The following SH3KBP1 variants were observed in gnomAD, a reference collection of about 807,000 sequenced individuals.
The protein encoded by SH3KBP1 is SH3 domain containing kinase binding protein 1, also known as SH3 domain-containing kinase-binding protein 1.
SH3KBP1 carries 8 observed loss-of-function variants against 50.1 expected under a neutral mutation model. That is an observed-to-expected ratio of 0.16 (90% CI 0.09 to 0.29). The LOEUF is 0.29. Ranked by LOEUF, SH3KBP1 falls within the 10% of genes least tolerant of loss-of-function variation. SH3KBP1 has a pLI of 1.00. For synonymous variants in SH3KBP1, 227 were observed against 218.6 expected, an observed-to-expected ratio of 1.04 and a Z score of -0.34; for missense variants, 377 against 535.2, an observed-to-expected ratio of 0.70 and a Z score of 2.92.
chrX:19,780,757 C>T (rs973984664), intron 2 of SH3KBP1, among the ~76,000 whole-genome samples: 1 of 109,424 alleles, frequency 9.1e-6, no homozygotes, highest in African/African-American at 3.3e-5. Flanking sequence ...TAGTTGTAGA[C>T]ATGCGGCGTT....
intron 6 of SH3KBP1, among the ~76,000 whole-genome samples, chrX:19,655,142 G>T: frequency 8.9e-6 from 1 of 112,218 alleles, no homozygotes; most frequent in Non-Finnish European, 1.9e-5. Context: ...ATTTCTATGT[G>T]TAAGAGATAC....
At chrX:19,542,793 C>G (rs955918760) in intron 15 of SH3KBP1, among the ~76,000 whole-genome samples, 1 of 111,663 alleles carries the variant, frequency 9.0e-6, no homozygotes, top group Non-Finnish European at 1.9e-5. Context: ...GTCTAGAGAC[C>G]GCAGAGCAAA....
intron 3 of SH3KBP1, among the ~76,000 whole-genome samples, chrX:19,733,205 T>G (rs187315335): frequency 3.6e-5 from 4 of 111,583 alleles, no homozygotes; most frequent in Non-Finnish European, 7.5e-5. Context: ...TGACTTATAA[T>G]TTGAATGAAA....
At chrX:19,759,431 A>T (rs922459175) in intron 2 of SH3KBP1, among the ~76,000 whole-genome samples, 4 of 112,180 alleles carry the variant, frequency 3.6e-5, no homozygotes, top group Non-Finnish European at 7.5e-5. Context: ...AGCCAAGCCC[A>T]AGTCAAGAAA....
rs1427576574 is a variant in SH3KBP1, at chrX:19,760,035, T to TCTCTCC, written c.163-13600_163-13595dup. Reference sequence around the variant, plus strand: ...TCTCTCTCTCTCTCCTCTCTCTCTCTCTCTCCCTCTCTCTCTCTCTCTCTC... The same window carrying TCTCTCC: ...TCTCTCTCTCTCTCCTCTCTCTCTCTCTCTCCCTCTCCCTCTCTCTCTCTCTCTCTC... On this transcript the variant is annotated intron_variant, in intron 2 of 17. Transcript: ENST00000397821. Among the ~76,000 whole-genome samples the TCTCTCC allele has an allele frequency of 2.6e-3, 172 of 65,183 alleles. 3 individuals carry two copies. Among genetic ancestry groups the TCTCTCC allele is most frequent in the African/African-American group, 0.013 (162 of 12,470 alleles). 56.6% of individuals were successfully genotyped at this position (65,183 alleles called of 115,157 possible). A position where few individuals can be genotyped will look rare whatever the true frequency, so the allele number is the denominator to read the frequency against.
At chrX:19,551,520 A>T (rs5909312) in intron 13 of SH3KBP1, among the ~76,000 whole-genome samples, 30,227 of 100,855 alleles carry the variant, frequency 0.3, 4,595 homozygotes, top group African/African-American at 0.57. Flanking sequence ...TATTATTATT[A>T]TTTTCTTTCT....
chrX:19,559,415 C>T (rs1238987622), intron 13 of SH3KBP1, among the ~76,000 whole-genome samples: 1 of 103,421 alleles, frequency 9.7e-6, no homozygotes, highest in Non-Finnish European at 2.0e-5. Flanking sequence ...CAACCTCCGC[C>T]TCCCGGGTTC....
intron 5 of SH3KBP1, among the ~76,000 whole-genome samples, chrX:19,690,152 T>C (rs2063254672): frequency 1.9e-5 from 2 of 107,882 alleles, no homozygotes; most frequent in African/African-American, 3.4e-5. Flanking sequence ...CTCGACCTCC[T>C]GGGTTCAAGC....
At chrX:19,540,362 T>C (rs2064848213) in intron 16 of SH3KBP1, among the ~76,000 whole-genome samples, 1 of 110,893 alleles carries the variant, frequency 9.0e-6, no homozygotes, top group South Asian at 3.9e-4. Context: ...GCCACATTAC[T>C]CAAAGCGAAT....
chrX:19,605,465 T>C (rs1181367479), intron 9 of SH3KBP1, among the ~76,000 whole-genome samples: 1 of 111,896 alleles, frequency 8.9e-6, no homozygotes, highest in Non-Finnish European at 1.9e-5. Flanking sequence ...CTAAGATTCC[T>C]TGGTCGAAGG....
At chrX:19,849,780 T>C (rs1477033163) in intron 1 of SH3KBP1, among the ~76,000 whole-genome samples, 1 of 111,149 alleles carries the variant, frequency 9.0e-6, no homozygotes, top group East Asian at 2.8e-4. Context: ...TTTAAAATAT[T>C]TAAACTACAT....
chrX:19,789,035 A>G (rs181115124), intron 2 of SH3KBP1, among the ~76,000 whole-genome samples: 116 of 111,486 alleles, frequency 1.0e-3, no homozygotes, highest in African/African-American at 3.6e-3. Flanking sequence ...GAGGCAGGAG[A>G]ATTGCTTGAA....
intron 2 of SH3KBP1, among the ~76,000 whole-genome samples, chrX:19,789,318 C>T (rs2066461534): frequency 9.0e-6 from 1 of 111,135 alleles, no homozygotes; most frequent in African/African-American, 3.3e-5. Context: ...CTTGTCAACT[C>T]AGGGTGTTGT....
intron 3 of SH3KBP1, among the ~76,000 whole-genome samples, chrX:19,724,473 G>A (rs1940568989): frequency 8.9e-6 from 1 of 112,356 alleles, no homozygotes; most frequent in South Asian, 3.7e-4. Context: ...GTCTGCCGCA[G>A]AGATCAGCAA....
At chrX:19,690,826 T>C (rs2063269343) in intron 5 of SH3KBP1, among the ~76,000 whole-genome samples, 1 of 112,053 alleles carries the variant, frequency 8.9e-6, no homozygotes, top group Non-Finnish European at 1.9e-5. Context: ...GGCTTGAAAT[T>C]TGTCAGATGA....
chrX:19,624,093 G>C (rs2067936443), intron 8 of SH3KBP1, among the ~76,000 whole-genome samples: 1 of 111,933 alleles, frequency 8.9e-6, no homozygotes, highest in South Asian at 3.7e-4. Flanking sequence ...CCTCCCCAAA[G>C]TGTTGGGATT....
At chrX:19,766,394 A>G (rs780309109) in intron 2 of SH3KBP1, among the ~76,000 whole-genome samples, 22 of 103,188 alleles carry the variant, frequency 2.1e-4, no homozygotes, top group Non-Finnish European at 3.3e-4. Flanking sequence ...AGTTCTTTAT[A>G]GATTCTGGAT....
intron 2 of SH3KBP1, among the ~76,000 whole-genome samples, chrX:19,758,510 T>C (rs1404559844): frequency 1.8e-5 from 2 of 110,679 alleles, no homozygotes; most frequent in Non-Finnish European, 3.8e-5. Flanking sequence ...CTAAACAGTT[T>C]GGCTAATTAT....
intron 1 of SH3KBP1, among the ~76,000 whole-genome samples, chrX:19,856,620 C>G (rs998531376): frequency 9.0e-6 from 1 of 111,315 alleles, no homozygotes; most frequent in African/African-American, 3.3e-5. Flanking sequence ...GTAAAGGTCT[C>G]TTATGGAAAA....
Sources: gnomAD v4.1 joint callset for allele counts (sites outside exome capture counted in the v4.1 genomes callset) on GRCh38, gnomAD v4.1.1 for gene constraint, MANE v1.5 for transcripts, NCBI Gene and HGNC (gene_info 2026-07-23, HGNC 2026-07-21) for gene names.